The following CDH11 variants were observed in gnomAD, a reference collection of about 807,000 sequenced individuals.
CDH11 encodes cadherin-11.
CDH11 carries 11 observed loss-of-function variants against 67.8 expected under a neutral mutation model. The observed-to-expected ratio is 0.16, with a 90% CI of 0.10 to 0.27. The LOEUF (loss-of-function observed/expected upper bound fraction) is 0.27, where lower values mean the gene tolerates loss of function less well. CDH11 is among the 10% of genes least tolerant of loss of function. The pLI is 1.00. For missense variants in CDH11, 847 were observed against 1,031.2 expected (o/e 0.82, Z 2.45); for synonymous variants, 419 against 400.0 (o/e 1.05, Z -0.57).
intron 1 of CDH11, among the ~76,000 whole-genome samples, chr16:65,091,569 T>G (rs2074792987): frequency 1.3e-5 from 2 of 151,354 alleles, no homozygotes; most frequent in African/African-American, 4.9e-5. Flanking sequence ...TTTTTTTTTT[T>G]GAGACGGAGT....
At chr16:65,034,023 T>C (rs1050761461) in intron 2 of CDH11, among the ~76,000 whole-genome samples, 2 of 152,152 alleles carry the variant, frequency 1.3e-5, no homozygotes, top group African/African-American at 4.8e-5. Flanking sequence ...ACGGGTTAAA[T>C]TGTGTCTCCC....
At chr16:65,114,719 G>A (rs1293504510) in intron 1 of CDH11, among the ~76,000 whole-genome samples, 1 of 152,162 alleles carries the variant, frequency 6.6e-6, no homozygotes, top group East Asian at 1.9e-4. Context: ...GGAAACTGCA[G>A]GACAACCTGG....
chr16:64,988,364 A>G lies in CDH11; in HGVS notation c.812-20T>C, dbSNP rs2142481504. ...ATACGCCTAGAAGAAGAAGACATCTATTTTTATTTTCTCTTTTATTTGGCA... is the reference window on the plus strand; with the variant it reads ...ATACGCCTAGAAGAAGAAGACATCTGTTTTTATTTTCTCTTTTATTTGGCA... On this transcript the variant is annotated intron_variant, in intron 6 of 12. Coordinates refer to ENST00000268603, the MANE Select transcript of CDH11 (RefSeq NM_001797.4). The G allele has an allele frequency of 6.3e-7, 1 of 1,576,906 alleles. No individual in the cohort carries two copies. Among genetic ancestry groups the G allele is most frequent in the South Asian group, 1.2e-5 (1 of 84,932 alleles).
intron 1 of CDH11, among the ~76,000 whole-genome samples, chr16:65,090,293 T>C (rs1243331512): frequency 6.6e-6 from 1 of 152,118 alleles, no homozygotes; most frequent in Non-Finnish European, 1.5e-5. Flanking sequence ...TTGAAAAGAA[T>C]GTATACAGAA....
intron 11 of CDH11, among the ~76,000 whole-genome samples, chr16:64,957,604 A>G (rs1057286168): frequency 1.5e-5 from 2 of 133,448 alleles, no homozygotes; most frequent in South Asian, 2.4e-4. Flanking sequence ...GCCCGTGCAC[A>G]CACACACACA....
intron 9 of CDH11, 132 bp from the exon 10 acceptor site, chr16:64,972,196 A>C: frequency 1.3e-6 from 1 of 743,582 alleles, no homozygotes; most frequent in East Asian, 2.6e-5. Flanking sequence ...TTGTCACAGA[A>C]TCGATTTAAG....
chr16:65,060,801 A>C (rs888700022), intron 1 of CDH11, among the ~76,000 whole-genome samples: 2 of 151,332 alleles, frequency 1.3e-5, no homozygotes, highest in African/African-American at 2.4e-5. Flanking sequence ...TTTTACATTA[A>C]AAAAAAAACT....
At chr16:64,949,716 G>C (rs1181610496) in intron 12 of CDH11, among the ~76,000 whole-genome samples, 6 of 152,062 alleles carry the variant, frequency 3.9e-5, no homozygotes, top group African/African-American at 1.4e-4. Flanking sequence ...GTGAGCTACT[G>C]CGCCTGGCCC....
At chr16:64,986,921 A>T (rs2072501324) in intron 7 of CDH11, 1 of 152,114 alleles carries the variant, frequency 6.6e-6, no homozygotes, top group Non-Finnish European at 1.5e-5. Flanking sequence ...CCCACCTGAA[A>T]GATTCCTTTC....
intron 1 of CDH11, among the ~76,000 whole-genome samples, chr16:65,091,179 C>G (rs1313032923): frequency 1.3e-5 from 2 of 152,160 alleles, no homozygotes; most frequent in Admixed American, 6.5e-5. Flanking sequence ...CTTCTAGTGA[C>G]TGAATTTAGT....
At chr16:64,963,268 C>A (rs1223881874) in intron 11 of CDH11, among the ~76,000 whole-genome samples, 1 of 151,990 alleles carries the variant, frequency 6.6e-6, no homozygotes, top group Non-Finnish European at 1.5e-5. Flanking sequence ...TAAGAAAGAA[C>A]CAAAAGAAAC....
chr16:65,084,630 T>C (rs1355867644), intron 1 of CDH11, among the ~76,000 whole-genome samples: 1 of 152,142 alleles, frequency 6.6e-6, no homozygotes, highest in African/African-American at 2.4e-5. Context: ...TGGGGAAGCA[T>C]CCTGAGTATC....
intron 11 of CDH11, chr16:64,968,659 C>T: frequency 1.8e-6 from 1 of 564,078 alleles, no homozygotes; most frequent in Non-Finnish European, 2.2e-6. Context: ...ACGCTGAATG[C>T]TTATGCCGGA....
chr16:65,056,825 G>T (rs556878437), intron 1 of CDH11, among the ~76,000 whole-genome samples: 4 of 152,136 alleles, frequency 2.6e-5, no homozygotes, highest in African/African-American at 9.7e-5. Context: ...GTAAAAGACC[G>T]ATCGAACTCC....
intron 2 of CDH11, among the ~76,000 whole-genome samples, chr16:65,009,409 C>T (rs1371857266): frequency 2.0e-5 from 3 of 151,998 alleles, no homozygotes; most frequent in Non-Finnish European, 2.9e-5. Context: ...ATTTTAAATA[C>T]CTGTTTCAGA....
chr16:65,121,030 A>G lies in CDH11; in HGVS notation c.-298+850T>C, dbSNP rs2142904860. ...AGGGAGGGAGGCCGTGCGTGCCGGG[A>G]GCTAGAGAGGCTTGGCGCGCTCCGA... On this transcript the variant is annotated intron_variant, in intron 1 of 12. Coordinates refer to ENST00000268603, the MANE Select transcript of CDH11 (RefSeq NM_001797.4). The surrounding 1 kb of genome is among the most constrained non-coding windows in gnomAD (Gnocchi z 4.1). Among the ~76,000 whole-genome samples the G allele has an allele frequency of 6.6e-6, 1 of 152,116 alleles. No individual in the cohort carries two copies. Among genetic ancestry groups the G allele is most frequent in the South Asian group, 2.1e-4 (1 of 4,808 alleles).
chr16:65,027,172 A>G (rs993332268), intron 2 of CDH11, among the ~76,000 whole-genome samples: 4 of 152,198 alleles, frequency 2.6e-5, no homozygotes, highest in Admixed American at 2.6e-4. Context: ...TAGTACTCAC[A>G]CCATAAAGGA....
Position 64,944,693 on chromosome 16 carries a change from T to G in CDH11, c.*2910A>C, listed in dbSNP as rs1002583212. The G allele has an allele frequency of 2.6e-5, 6 of 231,874 alleles. No homozygotes were observed. Among genetic ancestry groups the G allele is most frequent in the Admixed American group, 1.1e-4 (2 of 17,726 alleles). The allele number at this position is 231,874 out of a possible 1,614,324, so 14.4% of individuals were successfully genotyped here. A position where few individuals can be genotyped will look rare whatever the true frequency, so the allele number is the denominator to read the frequency against. On this transcript the variant is annotated 3_prime_UTR_variant, in exon 13 of 13. Transcript: ENST00000268603. Reference sequence around the variant, plus strand: ...GAGGTGCAAATAAACTACTCTTTTATCTTCCCTGTCACCCCCAGAAACCCA... The same window carrying G: ...GAGGTGCAAATAAACTACTCTTTTAGCTTCCCTGTCACCCCCAGAAACCCA...
intron 2 of CDH11, among the ~76,000 whole-genome samples, chr16:65,032,885 C>T (rs952529695): frequency 3.3e-5 from 5 of 152,170 alleles, no homozygotes; most frequent in Non-Finnish European, 5.9e-5. Context: ...TCCTGATTAA[C>T]GTTTCAATAA....
Sources: gnomAD v4.1 joint callset for allele counts (sites outside exome capture counted in the v4.1 genomes callset) on GRCh38, gnomAD v4.1.1 for gene constraint, Gnocchi (gnomAD v3.1) non-coding constraint, MANE v1.5 for transcripts, NCBI Gene and HGNC (gene_info 2026-07-23, HGNC 2026-07-21) for gene names.